Variants in DIP2C observed in about 807,000 individuals in gnomAD.
The protein encoded by DIP2C is DIP2 acetate--CoA ligase C (putative).
In DIP2C, 33 loss-of-function variants were observed where a neutral mutation model predicts 192.4. The ratio of observed to expected loss-of-function variants is 0.17; its 90% CI spans 0.13 to 0.23. The LOEUF (loss-of-function observed/expected upper bound fraction) is 0.23, where lower values mean the gene tolerates loss of function less well. DIP2C is among the 10% of genes least tolerant of loss of function. The pLI, the probability that DIP2C is intolerant of heterozygous loss-of-function variation, is 1.00. For synonymous variants in DIP2C, 979 were observed against 864.1 expected, an observed-to-expected ratio of 1.13 and a Z score of -2.33; for missense variants, 1,537 against 2,110.1, an observed-to-expected ratio of 0.73 and a Z score of 5.32.
intron 1 of DIP2C, among the ~76,000 whole-genome samples, chr10:487,741 C>A (rs184424472): frequency 1.3e-5 from 2 of 151,978 alleles, no homozygotes; most frequent in African/African-American, 2.4e-5. Context: ...CCACGCCCGG[C>A]TAATTTTTTG....
chr10:577,826 T>G (rs905977359), intron 1 of DIP2C, among the ~76,000 whole-genome samples: 26 of 151,308 alleles, frequency 1.7e-4, no homozygotes, highest in African/African-American at 4.6e-4. Context: ...TTTTTGTGTT[T>G]TTTTTTTTTT....
chr10:360,546 A>C (rs1959347431), intron 22 of DIP2C, among the ~76,000 whole-genome samples: 1 of 152,180 alleles, frequency 6.6e-6, no homozygotes, highest in African/African-American at 2.4e-5. Context: ...GTTTTATCTC[A>C]AAGACAGCAG....
At chr10:601,678 T>C (rs908907592) in intron 1 of DIP2C, among the ~76,000 whole-genome samples, 1 of 152,178 alleles carries the variant, frequency 6.6e-6, no homozygotes, top group Non-Finnish European at 1.5e-5. Flanking sequence ...CGAAGGACCA[T>C]TTCAAGGTGG....
intron 22 of DIP2C, 111 bp downstream of exon 22, chr10:362,379 G>T: frequency 2.4e-6 from 3 of 1,270,546 alleles, no homozygotes; most frequent in Non-Finnish European, 2.1e-6. Context: ...CTTCTTTCCC[G>T]CAAGCATCAG....
chr10:320,059 C>T (rs187105861), intron 31 of DIP2C, among the ~76,000 whole-genome samples: 1 of 152,102 alleles, frequency 6.6e-6, no homozygotes, highest in African/African-American at 2.4e-5. Context: ...AATAGTAAAC[C>T]CTGGGTTTTC....
chr10:307,474 CTGGAGAA>C (rs1956374468), intron 32 of DIP2C, among the ~76,000 whole-genome samples: 4 of 151,992 alleles, frequency 2.6e-5, no homozygotes, highest in African/African-American at 9.7e-5. Flanking sequence ...GCTTGGAGGA[CTGGAGAA>C]AAGGCCCCTG....
intron 24 of DIP2C, among the ~76,000 whole-genome samples, chr10:355,735 T>G (rs1251145810): frequency 6.6e-6 from 1 of 152,232 alleles, no homozygotes; most frequent in East Asian, 1.9e-4. Context: ...AAAGTGGAAA[T>G]GATTTTCATT....
In DIP2C at chr10:433,574, G is replaced by A. The variant is rs187211537; in HGVS notation, c.394+7297C>T. ...CAAATGCCTGTAGTCCCAGCTACTC[G>A]GGAGGCTGAGGCAGGAGAATCACTT... On this transcript the variant is annotated intron_variant, in intron 4 of 36. Transcript: ENST00000280886. Among the ~76,000 whole-genome samples the A allele has an allele frequency of 2.0e-3, 299 of 152,228 alleles. 2 individuals are homozygous for A. Among genetic ancestry groups the A allele is most frequent in the African/African-American group, 4.5e-3 (185 of 41,530 alleles).
intron 8 of DIP2C, among the ~76,000 whole-genome samples, chr10:409,716 G>A (rs912143279): frequency 6.6e-6 from 1 of 152,226 alleles, no homozygotes; most frequent in African/African-American, 2.4e-5. Flanking sequence ...ACTGCCTCGA[G>A]AGGCTCCAAA....
At position 357,842 on chromosome 10, in the gene DIP2C, C is replaced by T; in HGVS notation, c.2890G>A (p.Asp964Asn). 2.5e-6 allele frequency: 4 copies of T among 1,612,326 alleles called. No individual in the cohort carries two copies. The highest frequency in any genetic ancestry group is 3.4e-6 in the Non-Finnish European group (4 of 1,179,724). ...CCAGCTCCTACCTTGCGTGCCTGGTCGTTATCTTCGATCTGACCCAGGTCT... is the reference window on the plus strand; with the variant it reads ...CCAGCTCCTACCTTGCGTGCCTGGTTGTTATCTTCGATCTGACCCAGGTCT... ...GRDLGQIEDN[D>N]QARKFLFLSE... is the part of the protein sequence containing the mutation. Residue 964 changes from aspartate to asparagine, a missense_variant, in exon 23 of 37, where the codon GAC becomes AAC. By Grantham distance (23) the Asp-to-Asn change is conservative (BLOSUM62 1). Coordinates refer to ENST00000280886, the MANE Select transcript of DIP2C (RefSeq NM_014974.3).
intron 1 of DIP2C, among the ~76,000 whole-genome samples, chr10:675,729 G>A (rs777777117): frequency 2.6e-5 from 4 of 151,962 alleles, no homozygotes; most frequent in East Asian, 1.9e-4. Flanking sequence ...AAGAAGAAAC[G>A]GAAATCCTAA....
At chr10:543,012 G>A (rs913385426) in intron 1 of DIP2C, among the ~76,000 whole-genome samples, 3 of 152,218 alleles carry the variant, frequency 2.0e-5, no homozygotes, top group African/African-American at 4.8e-5. Context: ...GTCAAACATT[G>A]AGTGATGACG....
At chr10:580,373 T>A (rs1215224028) in intron 1 of DIP2C, among the ~76,000 whole-genome samples, 9 of 152,124 alleles carry the variant, frequency 5.9e-5, no homozygotes, top group Admixed American at 5.9e-4. Context: ...TGCACACATG[T>A]ATATATATAA....
chr10:432,054 GAAAC>G (rs1966861930), intron 4 of DIP2C, among the ~76,000 whole-genome samples: 1 of 151,916 alleles, frequency 6.6e-6, no homozygotes, highest in African/African-American at 2.4e-5. Context: ...TTGGATGCGT[GAAAC>G]AAATTCCACT....
chr10:595,459 C>T (rs1207164567), intron 1 of DIP2C, among the ~76,000 whole-genome samples: 1 of 152,182 alleles, frequency 6.6e-6, no homozygotes, highest in Non-Finnish European at 1.5e-5. Flanking sequence ...TGTTTCCAGA[C>T]TGTGGCTTTG....
chr10:279,980 T>C (rs1392543720), intron 36 of DIP2C, among the ~76,000 whole-genome samples: 1 of 152,202 alleles, frequency 6.6e-6, no homozygotes, highest in East Asian at 1.9e-4. Flanking sequence ...AACGGAAGGC[T>C]GTAACTGATA....
intron 17 of DIP2C, among the ~76,000 whole-genome samples, chr10:370,812 T>C (rs1055211869): frequency 1.3e-5 from 2 of 152,216 alleles, no homozygotes; most frequent in African/African-American, 4.8e-5. Flanking sequence ...TAAAATATTA[T>C]GGTTTATAAT....
chr10:644,182 C>G (rs1413406070), intron 1 of DIP2C, among the ~76,000 whole-genome samples: 1 of 152,240 alleles, frequency 6.6e-6, no homozygotes, highest in African/African-American at 2.4e-5. Flanking sequence ...CCAGGAGCCC[C>G]TCAGGAGAAC....
At chr10:567,590 A>G (rs749694852) in intron 1 of DIP2C, among the ~76,000 whole-genome samples, 1 of 152,158 alleles carries the variant, frequency 6.6e-6, no homozygotes, top group African/African-American at 2.4e-5. Context: ...CCAAACAAAC[A>G]TTCTCTCCTC....
Sources: allele counts gnomAD v4.1 joint callset (sites outside exome capture counted in the v4.1 genomes callset), GRCh38; gene constraint gnomAD v4.1.1; transcripts MANE v1.5; gene names NCBI Gene and HGNC (gene_info 2026-07-23, HGNC 2026-07-21).